Variants in SUFU observed in about 807,000 individuals in gnomAD.
SUFU encodes suppressor of fused homolog.
A neutral mutation model predicts 58.9 loss-of-function variants in SUFU; 7 were observed. The observed-to-expected ratio is 0.12, with a 90% CI of 0.07 to 0.22. The LOEUF is 0.22. Among genes scored for constraint, SUFU ranks in the 10% least tolerant of loss-of-function variants. SUFU has a pLI of 1.00. For missense variants in SUFU, 451 were observed against 641.3 expected (o/e 0.70, Z 3.20); for synonymous variants, 232 against 254.8 (o/e 0.91, Z 0.85).
chr10:102,536,797 A>C (rs1018231371), intron 2 of SUFU, among the ~76,000 whole-genome samples: 2 of 151,932 alleles, frequency 1.3e-5, no homozygotes, highest in African/African-American at 4.8e-5. Flanking sequence ...AATGTACATA[A>C]CTTATCTTTT....
chr10:102,614,043 A>G (rs2063655325), intron 8 of SUFU, among the ~76,000 whole-genome samples: 1 of 152,226 alleles, frequency 6.6e-6, no homozygotes, highest in Non-Finnish European at 1.5e-5. Context: ...TTGTATCATC[A>G]TCTGGTTAGA....
At chr10:102,509,538 G>T (rs1168981570) in intron 2 of SUFU, among the ~76,000 whole-genome samples, 2 of 152,130 alleles carry the variant, frequency 1.3e-5, no homozygotes, top group Non-Finnish European at 2.9e-5. Flanking sequence ...TTCTAAGCTT[G>T]CCCTGGAGTT....
At position 102,617,192 on chromosome 10, in the gene SUFU, A is replaced by C; in HGVS notation, c.1158-98A>C. 2 of 1,556,124 alleles carry C rather than the reference A, an allele frequency of 1.3e-6. No individual in the cohort carries two copies. Among genetic ancestry groups the C allele is most frequent in the Non-Finnish European group, 1.8e-6 (2 of 1,131,904 alleles). On this transcript the variant is annotated intron_variant, in intron 9 of 11. Transcript: ENST00000369902. This position sits in a 1 kb window ranked among gnomAD's most constrained non-coding sequence, Gnocchi z 4.4. ...GGAGGGCATGTTACCTGGCCCGCGG[A>C]CCATAGTCCCCACTGTCCCAGAGCC...
At chr10:102,599,601 C>A in intron 8 of SUFU, 57 bp downstream of exon 8, 1 of 1,433,250 alleles carries the variant, frequency 7.0e-7, no homozygotes, top group East Asian at 2.3e-5. Flanking sequence ...TCTGAAGGGC[C>A]TGTCCCTGTG....
intron 2 of SUFU, among the ~76,000 whole-genome samples, chr10:102,542,659 C>T (rs1255413704): frequency 6.9e-6 from 1 of 144,018 alleles, no homozygotes; most frequent in Admixed American, 7.1e-5. Context: ...GAGTCTCCCT[C>T]TGTCACCCAG....
At position 102,516,224 on chromosome 10, in the gene SUFU, G is replaced by C. The variant is rs144186239; in HGVS notation, c.317+6921G>C. On this transcript the variant is annotated intron_variant, in intron 2 of 11. Transcript: ENST00000369902. ...CTGCTGAGATTATTTATAGGTGTGC[G>C]CCACCATGCCCGGCTAATTTTTTAT... is the stretch of plus-strand genomic sequence containing the variant. 2.7e-3 allele frequency among the ~76,000 whole-genome samples: 394 copies of C among 145,432 alleles called. 4 individuals are homozygous for C. Among genetic ancestry groups the C allele is most frequent in the African/African-American group, 9.4e-3 (370 of 39,544 alleles).
At chr10:102,575,160 G>A (rs940609387) in intron 3 of SUFU, among the ~76,000 whole-genome samples, 1 of 152,108 alleles carries the variant, frequency 6.6e-6, no homozygotes, top group Non-Finnish European at 1.5e-5. Context: ...GCTACAGTGA[G>A]CCATAATGGT....
chr10:102,526,697 C>T (rs1040567890), intron 2 of SUFU, among the ~76,000 whole-genome samples: 1 of 152,098 alleles, frequency 6.6e-6, no homozygotes, highest in Non-Finnish European at 1.5e-5. Context: ...CCTCAAAGAC[C>T]GGTGGCAGCC....
In SUFU at chr10:102,590,176, T is replaced by G. The variant is rs1261335634; in HGVS notation, c.455-2406T>G. On this transcript the variant is annotated intron_variant, in intron 3 of 11. Coordinates refer to ENST00000369902, the MANE Select transcript of SUFU (RefSeq NM_016169.4). ...TTCTTTTTTCTTTTTTTTTTTTTTT[T>G]GAGACAGAGTACAGAGTCTCACACT... Among the ~76,000 whole-genome samples, 58 of 129,582 alleles carry G rather than the reference T, an allele frequency of 4.5e-4. 2 individuals are homozygous for G. Among genetic ancestry groups the G allele is most frequent in the African/African-American group, 1.7e-3 (57 of 33,484 alleles). 85.0% of individuals were successfully genotyped at this position (129,582 alleles called of 152,430 possible).
intron 2 of SUFU, among the ~76,000 whole-genome samples, chr10:102,539,581 C>G (rs2062776938): frequency 6.6e-6 from 1 of 152,134 alleles, no homozygotes. Context: ...ACTATTTTTA[C>G]CACCCGTTGA....
chr10:102,600,573 T>C (rs1253515445), intron 8 of SUFU, among the ~76,000 whole-genome samples: 1 of 152,196 alleles, frequency 6.6e-6, no homozygotes, highest in Non-Finnish European at 1.5e-5. Flanking sequence ...GTAGTAATGC[T>C]TCAGTGCACT....
intron 8 of SUFU, among the ~76,000 whole-genome samples, chr10:102,613,904 A>G (rs2063652999): frequency 1.3e-5 from 2 of 152,348 alleles, no homozygotes; most frequent in South Asian, 4.1e-4. Context: ...TGCCAAGGCC[A>G]CAGTCAGGAG....
At chr10:102,517,758 G>C (rs2062490321) in intron 2 of SUFU, among the ~76,000 whole-genome samples, 1 of 152,154 alleles carries the variant, frequency 6.6e-6, no homozygotes, top group South Asian at 2.1e-4. Flanking sequence ...CCTCAGCCCT[G>C]AGGAATGGTA....
At chr10:102,627,141 A>G (rs775254770) in intron 10 of SUFU, 34 bp from the exon 11 acceptor site, 2 of 1,611,132 alleles carry the variant, frequency 1.2e-6, no homozygotes, top group Non-Finnish European at 1.7e-6. Flanking sequence ...TACATTTAAA[A>G]ATAATAATAA....
chr10:102,580,162 G>A (rs1402560741), intron 3 of SUFU, among the ~76,000 whole-genome samples: 2 of 152,070 alleles, frequency 1.3e-5, no homozygotes, highest in Middle Eastern at 3.2e-3. Context: ...ATGTTCCTGG[G>A]ATTATCCTTC....
At chr10:102,621,573 T>C (rs960477277) in intron 10 of SUFU, among the ~76,000 whole-genome samples, 17 of 146,272 alleles carry the variant, frequency 1.2e-4, no homozygotes, top group African/African-American at 4.2e-4. Flanking sequence ...GGCTTTTGTC[T>C]GGCCTGTGGA....
At chr10:102,592,455 C>T (rs1372287447) in intron 3 of SUFU, 127 bp from the exon 4 acceptor site, 2 of 1,065,816 alleles carry the variant, frequency 1.9e-6, no homozygotes, top group South Asian at 1.3e-5. Flanking sequence ...GAATGCTTCT[C>T]TTCCTTCACA....
intron 2 of SUFU, among the ~76,000 whole-genome samples, chr10:102,531,751 G>T (rs2062680057): frequency 6.6e-6 from 1 of 152,194 alleles, no homozygotes; most frequent in Admixed American, 6.5e-5. Flanking sequence ...CCCAGGGCTA[G>T]TGGTTGGCCT....
chr10:102,516,320 C>T (rs998702432), intron 2 of SUFU, among the ~76,000 whole-genome samples: 2 of 151,790 alleles, frequency 1.3e-5, no homozygotes, highest in East Asian at 1.9e-4. Context: ...GTGATCTACC[C>T]GTCTCAGCCT....
Sources: gnomAD v4.1 joint callset for allele counts (sites outside exome capture counted in the v4.1 genomes callset) on GRCh38, gnomAD v4.1.1 for gene constraint, Gnocchi (gnomAD v3.1) non-coding constraint, MANE v1.5 for transcripts, NCBI Gene and HGNC (gene_info 2026-07-23, HGNC 2026-07-21) for gene names.